DPYD: variants seen among roughly 807,000 people sequenced by gnomAD.
The protein encoded by DPYD is dihydropyrimidine dehydrogenase [NADP(+)].
DPYD carries 109 observed loss-of-function variants against 116.2 expected under a neutral mutation model. That is an observed-to-expected ratio of 0.94 (90% CI 0.80 to 1.10). The LOEUF is 1.10. Among genes scored for constraint, DPYD ranks in the 50% least tolerant of loss-of-function variants. The pLI, the probability that DPYD is intolerant of heterozygous loss-of-function variation, is 0.00. For missense variants in DPYD, 1,302 were observed against 1,254.5 expected (o/e 1.04, Z -0.57); for synonymous variants, 440 against 432.0 (o/e 1.02, Z -0.23).
chr1:97,491,561 A>G (rs1199048807), intron 13 of DPYD, among the ~76,000 whole-genome samples: 1 of 152,068 alleles, frequency 6.6e-6, no homozygotes, highest in Non-Finnish European at 1.5e-5. Flanking sequence ...GCAGAAAAGC[A>G]CTGGCTCTGC....
At chr1:97,781,558 C>T (rs1286511869) in intron 3 of DPYD, among the ~76,000 whole-genome samples, 1 of 152,146 alleles carries the variant, frequency 6.6e-6, no homozygotes, top group Non-Finnish European at 1.5e-5. Context: ...AAATGCCCTG[C>T]AAGTTCTGAA....
intron 1 of DPYD, among the ~76,000 whole-genome samples, chr1:97,912,339 A>G (rs936011672): frequency 2.6e-5 from 4 of 152,140 alleles, no homozygotes; most frequent in Admixed American, 6.6e-5. Context: ...AACAAGGTAA[A>G]TGTATGATAA....
intron 8 of DPYD, among the ~76,000 whole-genome samples, chr1:97,602,777 C>G (rs377251906): frequency 6.6e-6 from 1 of 151,626 alleles, no homozygotes; most frequent in Admixed American, 6.6e-5. Context: ...GAACAACAAA[C>G]CCTTTGGACA....
At chr1:97,150,267 T>TAAA (rs34447969) in intron 20 of DPYD, among the ~76,000 whole-genome samples, 2 of 148,766 alleles carry the variant, frequency 1.3e-5, no homozygotes, top group African/African-American at 2.5e-5. Context: ...CACTGTATCT[T>TAAA]AAAAAAAAAA....
At chr1:97,593,695 T>C (rs1231119820) in intron 9 of DPYD, among the ~76,000 whole-genome samples, 1 of 152,194 alleles carries the variant, frequency 6.6e-6, no homozygotes, top group Non-Finnish European at 1.5e-5. Flanking sequence ...TTCATCAAAA[T>C]TGTGCTATCT....
At chr1:97,872,780 C>T (rs1461588539) in intron 2 of DPYD, among the ~76,000 whole-genome samples, 1 of 151,862 alleles carries the variant, frequency 6.6e-6, no homozygotes, top group East Asian at 1.9e-4. Context: ...TATTTATCAT[C>T]ATCATCATTG....
At chr1:97,581,745 CAAAAAAAAAAAA>C (rs1226325704) in intron 10 of DPYD, among the ~76,000 whole-genome samples, 1 of 63,568 alleles carries the variant, frequency 1.6e-5, no homozygotes, top group Non-Finnish European at 3.2e-5. Context: ...GATCCTGTCT[CAAAAAAAAAAAA>C]AAAAAAAAAA....
chr1:97,088,914 G>A (rs1348093202), intron 21 of DPYD, among the ~76,000 whole-genome samples: 1 of 152,120 alleles, frequency 6.6e-6, no homozygotes, highest in Admixed American at 6.5e-5. Flanking sequence ...CATTTCTCTG[G>A]TATCTTTTGG....
chr1:97,458,909 T>C (rs1044954371), intron 13 of DPYD, among the ~76,000 whole-genome samples: 1 of 152,034 alleles, frequency 6.6e-6, no homozygotes, highest in Non-Finnish European at 1.5e-5. Context: ...TTCCCATAAA[T>C]ACATTTTCAA....
intron 2 of DPYD, among the ~76,000 whole-genome samples, chr1:97,864,691 G>A (rs920748645): frequency 4.0e-5 from 6 of 151,842 alleles, no homozygotes; most frequent in Non-Finnish European, 5.9e-5. Context: ...AAAATACTTC[G>A]AGAAGGAAGG....
At chr1:97,123,595 T>C (rs1462043236) in intron 20 of DPYD, among the ~76,000 whole-genome samples, 1 of 152,132 alleles carries the variant, frequency 6.6e-6, no homozygotes, top group African/African-American at 2.4e-5. Context: ...TATTGGTCCT[T>C]TGAATGTAAG....
At chr1:97,128,727 C>T (rs1653042755) in intron 20 of DPYD, among the ~76,000 whole-genome samples, 1 of 152,112 alleles carries the variant, frequency 6.6e-6, no homozygotes, top group Non-Finnish European at 1.5e-5. Flanking sequence ...CCTTCTATTT[C>T]AACAATGAGC....
intron 14 of DPYD, among the ~76,000 whole-genome samples, chr1:97,412,159 A>C (rs1438659581): frequency 6.6e-6 from 1 of 152,198 alleles, no homozygotes; most frequent in African/African-American, 2.4e-5. Context: ...TGCTGAACTA[A>C]AGTCACATTT....
chr1:97,292,230 T>G (rs1666237715), intron 18 of DPYD, among the ~76,000 whole-genome samples: 1 of 152,160 alleles, frequency 6.6e-6, no homozygotes, highest in African/African-American at 2.4e-5. Context: ...TAAGCTACAT[T>G]GGTCTGTTCT....
intron 13 of DPYD, among the ~76,000 whole-genome samples, chr1:97,506,850 G>T (rs1647373408): frequency 6.6e-6 from 1 of 151,980 alleles, no homozygotes; most frequent in South Asian, 2.1e-4. Context: ...GTGTTTGAAA[G>T]CATCTTAATC....
At chr1:97,728,552 A>G (rs1199492307) in intron 4 of DPYD, among the ~76,000 whole-genome samples, 7 of 152,164 alleles carry the variant, frequency 4.6e-5, no homozygotes, top group Admixed American at 3.3e-4. Context: ...AAGATTATCA[A>G]TACAGCTGGT....
At chr1:97,481,660 A>T (rs1678325060) in intron 13 of DPYD, among the ~76,000 whole-genome samples, 1 of 152,214 alleles carries the variant, frequency 6.6e-6, no homozygotes, top group Non-Finnish European at 1.5e-5. Flanking sequence ...ATTATGAGAT[A>T]ATAAACAGAA....
Position 97,373,632 on chromosome 1 carries a change from C to A in DPYD, c.1987G>T (p.Asp663Tyr). The A allele has an allele frequency of 6.2e-7, 1 of 1,613,802 alleles. No homozygotes were observed. The highest frequency in any genetic ancestry group is 8.5e-7 in the Non-Finnish European group (1 of 1,179,746). The change falls in exon 16 of 23, where the codon GAT becomes TAT. Residue 663 changes from aspartate (D) to tyrosine (Y), a missense_variant. By Grantham distance (160) the Asp-to-Tyr change is radical. Coordinates refer to ENST00000370192, the MANE Select transcript of DPYD (RefSeq NM_000110.4). ...CATGATAAATTTAACTCCAGGGCAT[C>A]TGCTCCAGAATCCTTTAAACAAGAA... ...LAKKSEDSGA[D>Y]ALELNLSCPH... is the part of the protein sequence containing the mutation.
intron 3 of DPYD, among the ~76,000 whole-genome samples, chr1:97,798,624 AT>A (rs1023805748): frequency 1.3e-4 from 20 of 152,068 alleles, no homozygotes; most frequent in African/African-American, 4.8e-4. Context: ...TACGTACAAT[AT>A]GGGCATAATA....
Sources: allele counts gnomAD v4.1 joint callset (sites outside exome capture counted in the v4.1 genomes callset), GRCh38; gene constraint gnomAD v4.1.1; transcripts MANE v1.5; gene names NCBI Gene and HGNC (gene_info 2026-07-23, HGNC 2026-07-21).